ANKRD33B: variants seen among roughly 807,000 people sequenced by gnomAD.
The protein encoded by ANKRD33B is ankyrin repeat domain-containing protein 33B.
ANKRD33B carries 6 observed loss-of-function variants against 21.5 expected under a neutral mutation model. The ratio of observed to expected loss-of-function variants is 0.28; its 90% CI spans 0.15 to 0.55. ANKRD33B has a LOEUF of 0.55. Ranked by LOEUF, ANKRD33B falls within the 20% of genes least tolerant of loss-of-function variation. The probability of loss-of-function intolerance (pLI) is 0.94; values close to 1 mark genes in which losing one functional copy is unlikely to be tolerated. For synonymous variants in ANKRD33B, 347 were observed against 342.4 expected, an observed-to-expected ratio of 1.01 and a Z score of -0.15; for missense variants, 698 against 747.2, an observed-to-expected ratio of 0.93 and a Z score of 0.77.
intron 2 of ANKRD33B, chr5:10,625,054 C>T (rs1736511789): frequency 3.3e-6 from 1 of 305,206 alleles, no homozygotes; most frequent in African/African-American, 2.2e-5. Context: ...TCACAGACCC[C>T]ACGAGAGATG....
chr5:10,623,185 G>A (rs960891809), intron 2 of ANKRD33B, among the ~76,000 whole-genome samples: 3 of 152,210 alleles, frequency 2.0e-5, no homozygotes, highest in Admixed American at 2.0e-4. Flanking sequence ...TGCCTGGAGT[G>A]TTGAAAAATG....
At chr5:10,584,697 T>C (rs905419921) in intron 1 of ANKRD33B, among the ~76,000 whole-genome samples, 1 of 152,216 alleles carries the variant, frequency 6.6e-6, no homozygotes, top group East Asian at 1.9e-4. Flanking sequence ...GGCGCTGTTC[T>C]AGGGGACAGA....
At chr5:10,603,888 AAGG>A (rs746006674) in intron 1 of ANKRD33B, among the ~76,000 whole-genome samples, 1 of 151,752 alleles carries the variant, frequency 6.6e-6, no homozygotes, top group Non-Finnish European at 1.5e-5. Flanking sequence ...ATAATTTCAA[AAGG>A]AGAACTTTTT....
intron 1 of ANKRD33B, among the ~76,000 whole-genome samples, chr5:10,572,437 CAG>C (rs1560959669): frequency 6.6e-6 from 1 of 152,126 alleles, no homozygotes; most frequent in East Asian, 1.9e-4. Context: ...AGCCTTAGCA[CAG>C]AGCATCTCAT....
In ANKRD33B at chr5:10,657,547, A is replaced by C. The variant is rs185629710; in HGVS notation, c.*7434A>C. ...TATTTTGAGGTGAGAGTTTTGTTAT[A>C]GTTTATAAAAGATATTTTCCTATTC... is the stretch of plus-strand genomic sequence containing the variant. On this transcript the variant is annotated 3_prime_UTR_variant, in exon 4 of 4. Coordinates refer to ENST00000296657, the MANE Select transcript of ANKRD33B (RefSeq NM_001164440.2). 1 of 152,344 alleles carries C rather than the reference A, an allele frequency of 6.6e-6. No homozygotes were observed. The highest frequency in any genetic ancestry group is 2.4e-5 in the African/African-American group (1 of 41,458). The allele number at this position is 152,344 out of a possible 1,614,324, so 9.4% of individuals were successfully genotyped here.
At chr5:10,600,709 A>G (rs559700709) in intron 1 of ANKRD33B, among the ~76,000 whole-genome samples, 6 of 152,290 alleles carry the variant, frequency 3.9e-5, no homozygotes, top group African/African-American at 1.2e-4. Flanking sequence ...CATAAGGTAG[A>G]CATGTGTTAA....
chr5:10,579,484 T>G (rs1056885362), intron 1 of ANKRD33B, among the ~76,000 whole-genome samples: 1 of 152,066 alleles, frequency 6.6e-6, no homozygotes, highest in African/African-American at 2.4e-5. Context: ...GCAGAAGAGG[T>G]ATGTAGTTTT....
chr5:10,601,200 C>T (rs1035794688), intron 1 of ANKRD33B, among the ~76,000 whole-genome samples: 10 of 152,152 alleles, frequency 6.6e-5, no homozygotes, highest in Admixed American at 4.6e-4. Context: ...TCTCCTCCCA[C>T]ACCAGCTCCC....
chr5:10,642,030 G>A (rs1216120156), intron 3 of ANKRD33B, among the ~76,000 whole-genome samples: 2 of 152,174 alleles, frequency 1.3e-5, no homozygotes, highest in African/African-American at 4.8e-5. Flanking sequence ...ATAATTGGGC[G>A]TAGATGTTTG....
chr5:10,608,423 C>A (rs1054595887), intron 1 of ANKRD33B, among the ~76,000 whole-genome samples: 2 of 151,118 alleles, frequency 1.3e-5, no homozygotes, highest in Non-Finnish European at 2.9e-5. Flanking sequence ...TTCTTCCCTG[C>A]AAAACACAAG....
intron 1 of ANKRD33B, among the ~76,000 whole-genome samples, chr5:10,601,393 C>T (rs865850307): frequency 1.9e-4 from 29 of 152,348 alleles, no homozygotes; most frequent in South Asian, 4.1e-4. Context: ...GCCTGGGACA[C>T]GGTCCCTCCA....
intron 3 of ANKRD33B, 126 bp from the exon 4 acceptor site, chr5:10,649,140 T>G: frequency 1.4e-6 from 2 of 1,418,310 alleles, no homozygotes; most frequent in Non-Finnish European, 1.8e-6. Context: ...CTAGGTGCAG[T>G]CTGTTAGGAG....
intron 3 of ANKRD33B, among the ~76,000 whole-genome samples, chr5:10,648,904 G>T (rs115287743): frequency 1.6e-4 from 25 of 152,242 alleles, no homozygotes; most frequent in Admixed American, 3.3e-4. Flanking sequence ...GCGGAGGTGG[G>T]AGGATTGCTT....
chr5:10,619,462 A>G lies in ANKRD33B; in HGVS notation c.496+1000A>G, dbSNP rs1430914312. The G allele has an allele frequency of 1.2e-6, 1 of 856,770 alleles. No homozygotes were observed. The highest frequency in any genetic ancestry group is 1.4e-6 in the Non-Finnish European group (1 of 712,600). The allele number at this position is 856,770 out of a possible 1,614,324, so 53.1% of individuals were successfully genotyped here. A position where few individuals can be genotyped will look rare whatever the true frequency, so the allele number is the denominator to read the frequency against. Reference sequence around the variant, plus strand: ...CCCTTGTTGCTTCACAAGCTCCTGGACCAAAGCCACCCTGGGTGGATCTGA... The same window carrying G: ...CCCTTGTTGCTTCACAAGCTCCTGGGCCAAAGCCACCCTGGGTGGATCTGA... On this transcript the variant is annotated intron_variant, in intron 2 of 3. Coordinates refer to ENST00000296657, the MANE Select transcript of ANKRD33B (RefSeq NM_001164440.2). The surrounding 1 kb of genome is among the most constrained non-coding windows in gnomAD (Gnocchi z 4.5).
chr5:10,603,899 T>A (rs1029491195), intron 1 of ANKRD33B, among the ~76,000 whole-genome samples: 15 of 151,264 alleles, frequency 9.9e-5, no homozygotes, highest in Non-Finnish European at 2.1e-4. Flanking sequence ...AGGAGAACTT[T>A]TTTTTTTTTT....
At chr5:10,633,744 C>A (rs1736789536) in intron 2 of ANKRD33B, among the ~76,000 whole-genome samples, 3 of 152,180 alleles carry the variant, frequency 2.0e-5, no homozygotes, top group Admixed American at 2.0e-4. Context: ...TTGAGGAGGA[C>A]TGGTCAGGTA....
chr5:10,580,972 C>A (rs1238119278), intron 1 of ANKRD33B, among the ~76,000 whole-genome samples: 1 of 152,116 alleles, frequency 6.6e-6, no homozygotes, highest in Non-Finnish European at 1.5e-5. Context: ...TTCTGCTTCC[C>A]AAGGCCAAAG....
intron 1 of ANKRD33B, among the ~76,000 whole-genome samples, chr5:10,611,935 A>C (rs1402929827): frequency 6.6e-6 from 1 of 152,090 alleles, no homozygotes; most frequent in East Asian, 1.9e-4. Flanking sequence ...TGATATGCAC[A>C]CTTGGTCTTC....
At chr5:10,644,851 G>C (rs922638224) in intron 3 of ANKRD33B, among the ~76,000 whole-genome samples, 3 of 152,094 alleles carry the variant, frequency 2.0e-5, no homozygotes, top group Admixed American at 6.5e-5. Flanking sequence ...AAGTAGTTTT[G>C]AGGGATGGTG....
Sources: allele counts gnomAD v4.1 joint callset (sites outside exome capture counted in the v4.1 genomes callset), GRCh38; gene constraint gnomAD v4.1.1; non-coding constraint Gnocchi (gnomAD v3.1); transcripts MANE v1.5; gene names NCBI Gene and HGNC (gene_info 2026-07-23, HGNC 2026-07-21).